The following WDR48 variants were observed in gnomAD, a reference collection of about 807,000 sequenced individuals.
WDR48 encodes the protein WD repeat-containing protein 48.
Under a neutral mutation model 94.0 loss-of-function variants are expected in WDR48, and 22 were observed. The ratio of observed to expected loss-of-function variants is 0.23; its 90% CI spans 0.17 to 0.33. The LOEUF (loss-of-function observed/expected upper bound fraction) is 0.33, where lower values mean the gene tolerates loss of function less well. Ranked by LOEUF, WDR48 falls within the 10% of genes least tolerant of loss-of-function variation. The pLI, the probability that WDR48 is intolerant of heterozygous loss-of-function variation, is 1.00. For missense variants in WDR48, 541 were observed against 813.8 expected (o/e 0.66, Z 4.08); for synonymous variants, 278 against 280.5 (o/e 0.99, Z 0.09).
chr3:39,063,852 G>T (rs972051610), intron 2 of WDR48, among the ~76,000 whole-genome samples: 6 of 152,212 alleles, frequency 3.9e-5, no homozygotes, highest in African/African-American at 1.4e-4. Context: ...GGGAGCTGAG[G>T]TGGGAGGATC....
At chr3:39,094,627 A>G in intron 18 of WDR48, 21 bp from the exon 19 acceptor site, 1 of 1,613,846 alleles carries the variant, frequency 6.2e-7, no homozygotes. Flanking sequence ...GAAATTTTTA[A>G]ATTTAATTTT....
chr3:39,075,271 A>G (rs547577457), intron 8 of WDR48, among the ~76,000 whole-genome samples: 2 of 147,420 alleles, frequency 1.4e-5, no homozygotes, highest in South Asian at 2.1e-4. Context: ...TCAGTGATGC[A>G]TGGCTCTCCC....
chr3:39,067,131 C>T (rs2125648493), intron 5 of WDR48, among the ~76,000 whole-genome samples: 1 of 152,266 alleles, frequency 6.6e-6, no homozygotes, highest in Middle Eastern at 3.4e-3. Context: ...AGCTCCCTAG[C>T]TAAAATGTAA....
At chr3:39,084,914 A>G (rs1360824747) in intron 13 of WDR48, among the ~76,000 whole-genome samples, 173 bp downstream of exon 13, 12 of 152,200 alleles carry the variant, frequency 7.9e-5, no homozygotes, top group Admixed American at 3.9e-4. Context: ...GTAATTTCAT[A>G]TGGAAATAGC....
Position 39,068,874 on chromosome 3 carries a change from A to C in WDR48, c.570+15A>C. 1 of 1,532,466 alleles carries C rather than the reference A, an allele frequency of 6.5e-7. No homozygotes were observed. The highest frequency in any genetic ancestry group is 1.3e-5 in the South Asian group (1 of 78,648). 94.9% of individuals were successfully genotyped at this position (1,532,466 alleles called of 1,614,324 possible). On this transcript the variant is annotated intron_variant, in intron 6 of 18. Coordinates refer to ENST00000302313, the MANE Select transcript of WDR48 (RefSeq NM_020839.4). ...CCACTGAAAAGGTAAGGAGGAGCTT[A>C]TTTCTTTATTTAAAAAAAAAAATTA...
At chr3:39,077,351 G>A in intron 9 of WDR48, 138 bp downstream of exon 9, 1 of 729,062 alleles carries the variant, frequency 1.4e-6, no homozygotes, top group South Asian at 1.8e-5. Context: ...TGAAAGCCCT[G>A]TGAATGTAGG....
chr3:39,074,998 G>A, intron 8 of WDR48, 48 bp downstream of exon 8: 2 of 1,571,786 alleles, frequency 1.3e-6, no homozygotes, highest in Non-Finnish European at 1.7e-6. Context: ...GTTGTTACAT[G>A]TGTTAGCCAA....
At chr3:39,073,081 G>A (rs1224385018) in intron 7 of WDR48, among the ~76,000 whole-genome samples, 2 of 152,068 alleles carry the variant, frequency 1.3e-5, no homozygotes, top group African/African-American at 2.4e-5. Context: ...TCCTCTTTAA[G>A]TTGTCAAATC....
chr3:39,065,601 C>A (rs898323784), intron 2 of WDR48, among the ~76,000 whole-genome samples: 6 of 151,710 alleles, frequency 4.0e-5, no homozygotes, highest in African/African-American at 1.5e-4. Context: ...CCTAAGCTTT[C>A]AGTAAGAGTA....
chr3:39,077,519 T>G (rs891431413), intron 9 of WDR48, among the ~76,000 whole-genome samples: 1 of 152,212 alleles, frequency 6.6e-6, no homozygotes, highest in African/African-American at 2.4e-5. Context: ...CTCATGAAGC[T>G]ACATTTGAAG....
intron 15 of WDR48, 108 bp from the exon 16 acceptor site, chr3:39,089,123 G>A: frequency 1.1e-6 from 1 of 937,410 alleles, no homozygotes; most frequent in Non-Finnish European, 1.7e-6. Context: ...GTCAAGTGGG[G>A]GTTATCCTAC....
At chr3:39,088,283 C>A in intron 15 of WDR48, 50 bp downstream of exon 15, 1 of 1,556,588 alleles carries the variant, frequency 6.4e-7, no homozygotes, top group Non-Finnish European at 8.8e-7. Flanking sequence ...ATCCCATTTG[C>A]TAAGAAGTGT....
intron 12 of WDR48, 120 bp from the exon 13 acceptor site, chr3:39,084,525 T>A: frequency 1.2e-6 from 1 of 823,882 alleles, no homozygotes; most frequent in Non-Finnish European, 1.8e-6. Flanking sequence ...ACAAAACACA[T>A]TTTGGTTCCT....
Position 39,058,523 on chromosome 3 carries a change from T to TA in WDR48, c.49-4526dup, listed in dbSNP as rs1192946077. On this transcript the variant is annotated intron_variant, in intron 1 of 18. Transcript: ENST00000302313. ...AGAAGTCTGGATATCAAGATTTAGA[T>TA]ATGCTGCACAGTCTCAGTTAAAGGA... 8.5e-5 allele frequency among the ~76,000 whole-genome samples: 13 copies of TA among 152,308 alleles called. No individual in the cohort carries two copies. In the East Asian group the frequency reaches 2.5e-3, roughly 29 times the overall value.
chr3:39,090,044 A>C (rs962866684), intron 16 of WDR48: 5 of 152,202 alleles, frequency 3.3e-5, no homozygotes, highest in African/African-American at 1.2e-4. Flanking sequence ...GCACATTTTA[A>C]ATTTTGATAG....
At position 39,072,570 on chromosome 3, in the gene WDR48, A is replaced by G. The variant is rs188004749; in HGVS notation, c.673-2156A>G. Among the ~76,000 whole-genome samples, 7 of 152,296 alleles carry G rather than the reference A, an allele frequency of 4.6e-5. No homozygotes were observed. The East Asian group carries it at 5.8e-4, about 13-fold the overall frequency. Reference sequence around the variant, plus strand: ...TGGCCTCAGTACACTGGTACTTCCTATCTTCATTGGCAGAAACAAAGAGCA... The same window carrying G: ...TGGCCTCAGTACACTGGTACTTCCTGTCTTCATTGGCAGAAACAAAGAGCA... On this transcript the variant is annotated intron_variant, in intron 7 of 18. Coordinates refer to ENST00000302313, the MANE Select transcript of WDR48 (RefSeq NM_020839.4).
chr3:39,065,445 C>T (rs1378885157), intron 2 of WDR48, among the ~76,000 whole-genome samples: 1 of 152,094 alleles, frequency 6.6e-6, no homozygotes, highest in Non-Finnish European at 1.5e-5. Flanking sequence ...TTCAAATCCC[C>T]ACAGCCTACA....
chr3:39,056,971 C>G (rs2032931273), intron 1 of WDR48, among the ~76,000 whole-genome samples: 1 of 151,788 alleles, frequency 6.6e-6, no homozygotes, highest in Non-Finnish European at 1.5e-5. Flanking sequence ...AGGGGGAAGC[C>G]TTCTGAGAAA....
At chr3:39,074,294 G>T (rs538095976) in intron 7 of WDR48, among the ~76,000 whole-genome samples, 1 of 152,310 alleles carries the variant, frequency 6.6e-6, no homozygotes, top group South Asian at 2.1e-4. Flanking sequence ...GTATCTCTAA[G>T]CATAATGAAT....
Sources: allele counts gnomAD v4.1 joint callset (sites outside exome capture counted in the v4.1 genomes callset), GRCh38; gene constraint gnomAD v4.1.1; transcripts MANE v1.5; gene names NCBI Gene and HGNC (gene_info 2026-07-23, HGNC 2026-07-21).